The following ROBO1 variants were observed in gnomAD, a reference collection of about 807,000 sequenced individuals.
The protein encoded by ROBO1 is roundabout guidance receptor 1.
A neutral mutation model predicts 195.9 loss-of-function variants in ROBO1; 149 were observed. The ratio of observed to expected loss-of-function variants is 0.76; its 90% CI spans 0.67 to 0.87. ROBO1 has a LOEUF of 0.87. ROBO1 is among the 40% of genes least tolerant of loss of function. The probability of loss-of-function intolerance (pLI) is 0.00; values close to 1 mark genes in which losing one functional copy is unlikely to be tolerated. For missense variants in ROBO1, 1,933 were observed against 2,068.3 expected, an observed-to-expected ratio of 0.93 and a Z score of 1.27; for synonymous variants, 816 against 733.2, an observed-to-expected ratio of 1.11 and a Z score of -1.82.
chr3:79,436,618 C>G (rs1439931885), intron 2 of ROBO1, among the ~76,000 whole-genome samples: 1 of 152,068 alleles, frequency 6.6e-6, no homozygotes, highest in Non-Finnish European at 1.5e-5. Context: ...GGCTTGCTGA[C>G]TGACAGAGCT....
At chr3:79,570,869 T>A (rs1943255823) in intron 2 of ROBO1, among the ~76,000 whole-genome samples, 1 of 152,148 alleles carries the variant, frequency 6.6e-6, no homozygotes, top group African/African-American at 2.4e-5. Flanking sequence ...AGTTCATCAT[T>A]ACAGTGGAAA....
chr3:78,981,788 A>AACACACACACACACACACAC (rs375186931), intron 3 of ROBO1, among the ~76,000 whole-genome samples: 53 of 140,758 alleles, frequency 3.8e-4, no homozygotes, highest in African/African-American at 1.2e-3. Flanking sequence ...GGCCCCTGCC[A>AACACACACACACACACACAC]ACACACACAC....
intron 2 of ROBO1, among the ~76,000 whole-genome samples, chr3:79,428,473 C>T (rs1320701921): frequency 6.6e-6 from 1 of 152,050 alleles, no homozygotes; most frequent in Non-Finnish European, 1.5e-5. Context: ...AATTATTGCA[C>T]CCATTGTTAT....
intron 2 of ROBO1, among the ~76,000 whole-genome samples, chr3:79,514,903 T>C (rs1486832309): frequency 1.3e-5 from 2 of 152,230 alleles, no homozygotes; most frequent in Non-Finnish European, 2.9e-5. Flanking sequence ...CAAAAGAATT[T>C]CAACATTTAG....
chr3:79,003,932 T>C (rs749404544), intron 3 of ROBO1, among the ~76,000 whole-genome samples: 23 of 152,148 alleles, frequency 1.5e-4, no homozygotes, highest in Non-Finnish European at 2.6e-4. Flanking sequence ...CATGGCATGG[T>C]GAAAAACTAT....
At chr3:79,419,667 C>A (rs2038144856) in intron 2 of ROBO1, among the ~76,000 whole-genome samples, 1 of 152,028 alleles carries the variant, frequency 6.6e-6, no homozygotes, top group African/African-American at 2.4e-5. Flanking sequence ...CCTGCCACTT[C>A]CCTCAAAAAG....
intron 2 of ROBO1, among the ~76,000 whole-genome samples, chr3:79,541,602 C>A (rs987166020): frequency 1.3e-5 from 2 of 151,924 alleles, no homozygotes; most frequent in Non-Finnish European, 2.9e-5. Flanking sequence ...AAGTTGAAAA[C>A]TCCACCATAA....
At chr3:79,188,099 A>T (rs2108749312) in intron 2 of ROBO1, among the ~76,000 whole-genome samples, 1 of 152,112 alleles carries the variant, frequency 6.6e-6, no homozygotes, top group Non-Finnish European at 1.5e-5. Flanking sequence ...CCAGTCCTAA[A>T]TTCCTGCTGC....
intron 2 of ROBO1, among the ~76,000 whole-genome samples, chr3:79,569,126 G>A (rs1331845449): frequency 1.0e-4 from 15 of 149,706 alleles, no homozygotes; most frequent in South Asian, 2.1e-4. Context: ...GTGCACACGC[G>A]CACACACACA....
At chr3:78,618,547 C>T (rs1225761541) in intron 26 of ROBO1, among the ~76,000 whole-genome samples, 2 of 151,848 alleles carry the variant, frequency 1.3e-5, no homozygotes, top group Non-Finnish European at 2.9e-5. Flanking sequence ...AGTAAAATTT[C>T]ATAAGATTTA....
intron 4 of ROBO1, among the ~76,000 whole-genome samples, chr3:78,858,080 C>T (rs1272092622): frequency 6.6e-6 from 1 of 152,092 alleles, no homozygotes; most frequent in South Asian, 2.1e-4. Flanking sequence ...CACCACCCCA[C>T]CTTTGTCAGC....
intron 4 of ROBO1, among the ~76,000 whole-genome samples, chr3:78,921,257 A>G (rs999623108): frequency 6.6e-6 from 1 of 151,842 alleles, no homozygotes; most frequent in Non-Finnish European, 1.5e-5. Flanking sequence ...AAATAGATAT[A>G]AATTAATTAT....
intron 9 of ROBO1, among the ~76,000 whole-genome samples, chr3:78,686,220 A>G (rs2081047738): frequency 6.6e-6 from 1 of 152,146 alleles, no homozygotes; most frequent in Non-Finnish European, 1.5e-5. Flanking sequence ...AGATTGATAC[A>G]TATTTTTCTA....
chr3:79,388,344 C>G (rs879701601), intron 2 of ROBO1, among the ~76,000 whole-genome samples: 2 of 151,880 alleles, frequency 1.3e-5, no homozygotes, highest in Admixed American at 1.3e-4. Context: ...TAGATAGAGC[C>G]AGGAATTCTA....
At chr3:79,302,962 C>A (rs1443750481) in intron 2 of ROBO1, among the ~76,000 whole-genome samples, 1 of 151,912 alleles carries the variant, frequency 6.6e-6, no homozygotes, top group African/African-American at 2.4e-5. Context: ...GAATATTGTC[C>A]TATTTTGCTG....
intron 2 of ROBO1, among the ~76,000 whole-genome samples, chr3:79,333,628 C>T (rs1395582022): frequency 6.6e-6 from 1 of 152,180 alleles, no homozygotes. Context: ...TCCATCCACC[C>T]ACACTATCCT....
At chr3:79,385,507 T>C (rs2036709233) in intron 2 of ROBO1, among the ~76,000 whole-genome samples, 1 of 152,120 alleles carries the variant, frequency 6.6e-6, no homozygotes, top group South Asian at 2.1e-4. Flanking sequence ...TTCATGCCTT[T>C]ATGTGTTATC....
At chr3:79,476,929 A>G (rs1268511872) in intron 2 of ROBO1, among the ~76,000 whole-genome samples, 1 of 152,084 alleles carries the variant, frequency 6.6e-6, no homozygotes, top group Non-Finnish European at 1.5e-5. Context: ...AAATAATAAT[A>G]ATAAATAATT....
intron 3 of ROBO1, among the ~76,000 whole-genome samples, chr3:79,117,231 A>G (rs763301676): frequency 1.3e-5 from 2 of 152,088 alleles, no homozygotes; most frequent in Non-Finnish European, 2.9e-5. Context: ...TTAGCTGGGC[A>G]TGGTGGCACG....
Sources: allele counts gnomAD v4.1 joint callset (sites outside exome capture counted in the v4.1 genomes callset), GRCh38; gene constraint gnomAD v4.1.1; transcripts MANE v1.5; gene names NCBI Gene and HGNC (gene_info 2026-07-23, HGNC 2026-07-21).